Variants in LRRTM4 observed in about 807,000 individuals in gnomAD.
LRRTM4 encodes leucine-rich repeat transmembrane neuronal protein 4.
LRRTM4 carries 25 observed loss-of-function variants against 47.6 expected under a neutral mutation model. The observed-to-expected ratio is 0.53, with a 90% CI of 0.38 to 0.73. The LOEUF is 0.73. LRRTM4 is among the 30% of genes least tolerant of loss of function. The probability of loss-of-function intolerance (pLI) is 0.00; values close to 1 mark genes in which losing one functional copy is unlikely to be tolerated. For missense variants in LRRTM4, 638 were observed against 713.4 expected, an observed-to-expected ratio of 0.89 and a Z score of 1.20; for synonymous variants, 311 against 269.5, an observed-to-expected ratio of 1.15 and a Z score of -1.51.
At chr2:76,775,801 T>C (rs970575654) in intron 3 of LRRTM4, among the ~76,000 whole-genome samples, 9 of 152,146 alleles carry the variant, frequency 5.9e-5, no homozygotes, top group African/African-American at 2.2e-4. Flanking sequence ...TACATGTGCA[T>C]ATTGTGCAGG....
chr2:76,845,274 T>C (rs901430930), intron 3 of LRRTM4, among the ~76,000 whole-genome samples: 3 of 152,112 alleles, frequency 2.0e-5, no homozygotes, highest in African/African-American at 7.2e-5. Flanking sequence ...GAGGATCACT[T>C]GAGCCCAGGA....
At chr2:76,843,243 T>C (rs911966046) in intron 3 of LRRTM4, among the ~76,000 whole-genome samples, 9 of 152,128 alleles carry the variant, frequency 5.9e-5, no homozygotes, top group African/African-American at 2.2e-4. Flanking sequence ...GGTCAGAGTA[T>C]GGTTTGAAGT....
intron 3 of LRRTM4, among the ~76,000 whole-genome samples, chr2:77,444,390 G>A (rs1675964432): frequency 6.6e-6 from 1 of 152,012 alleles, no homozygotes; most frequent in Admixed American, 6.6e-5. Flanking sequence ...TCATTATAGT[G>A]ATATATTCCC....
At chr2:77,175,861 G>A (rs1473569481) in intron 3 of LRRTM4, among the ~76,000 whole-genome samples, 1 of 151,978 alleles carries the variant, frequency 6.6e-6, no homozygotes, top group East Asian at 1.9e-4. Flanking sequence ...GTTTTACCAT[G>A]TTGGCCAGGC....
chr2:76,792,888 T>A (rs1017453129), intron 3 of LRRTM4, among the ~76,000 whole-genome samples: 5 of 152,186 alleles, frequency 3.3e-5, no homozygotes, highest in African/African-American at 1.2e-4. Context: ...TAATGTCCAC[T>A]GTCCTGAAAA....
At chr2:76,837,703 T>C (rs1671555372) in intron 3 of LRRTM4, among the ~76,000 whole-genome samples, 1 of 152,198 alleles carries the variant, frequency 6.6e-6, no homozygotes, top group African/African-American at 2.4e-5. Context: ...CCAACAATGA[T>C]AGACTGGATT....
intron 3 of LRRTM4, among the ~76,000 whole-genome samples, chr2:77,362,845 G>A (rs1413243875): frequency 6.6e-6 from 1 of 152,078 alleles, no homozygotes; most frequent in Admixed American, 6.6e-5. Context: ...AGGATTGAGA[G>A]TACTGAAACA....
chr2:77,245,639 C>A (rs571109562), intron 3 of LRRTM4, among the ~76,000 whole-genome samples: 5 of 147,606 alleles, frequency 3.4e-5, no homozygotes, highest in African/African-American at 1.2e-4. Flanking sequence ...TTTTGTGATA[C>A]CTTCTAGTGT....
chr2:77,049,548 T>C (rs945976869), intron 3 of LRRTM4, among the ~76,000 whole-genome samples: 17 of 152,022 alleles, frequency 1.1e-4, no homozygotes, highest in African/African-American at 4.1e-4. Flanking sequence ...TGATTATTGA[T>C]ATTGAGTGTT....
intron 3 of LRRTM4, among the ~76,000 whole-genome samples, chr2:77,354,240 C>T (rs765245082): frequency 6.6e-6 from 1 of 152,042 alleles, no homozygotes; most frequent in Non-Finnish European, 1.5e-5. Flanking sequence ...TCCAAAGTTC[C>T]ACCTCCTACT....
At chr2:77,031,484 G>C (rs1678653914) in intron 3 of LRRTM4, among the ~76,000 whole-genome samples, 1 of 152,038 alleles carries the variant, frequency 6.6e-6, no homozygotes, top group African/African-American at 2.4e-5. Flanking sequence ...TTTCCACATG[G>C]CTAAAAATAC....
chr2:77,139,668 A>G (rs1391492770), intron 3 of LRRTM4, among the ~76,000 whole-genome samples: 2 of 152,148 alleles, frequency 1.3e-5, no homozygotes, highest in Non-Finnish European at 2.9e-5. Flanking sequence ...AAATTAGGAA[A>G]AGAGGAAGTC....
intron 2 of LRRTM4, 33 bp downstream of exon 2, chr2:77,521,635 T>C: frequency 1.2e-6 from 2 of 1,612,184 alleles, no homozygotes; most frequent in Non-Finnish European, 8.5e-7. Context: ...AGGATCAGCT[T>C]TGCTCAGAAG....
intron 3 of LRRTM4, among the ~76,000 whole-genome samples, chr2:77,464,114 G>A (rs2103977828): frequency 6.6e-6 from 1 of 152,122 alleles, no homozygotes; most frequent in South Asian, 2.1e-4. Flanking sequence ...TGATTTGGAA[G>A]GACAGACAAG....
intron 3 of LRRTM4, among the ~76,000 whole-genome samples, chr2:77,464,576 G>A (rs887533858): frequency 1.3e-5 from 2 of 151,292 alleles, no homozygotes; most frequent in African/African-American, 4.9e-5. Context: ...ATCTTAATTT[G>A]GGCTGTGCAC....
chr2:77,101,291 C>CAT (rs1190225386), intron 3 of LRRTM4, among the ~76,000 whole-genome samples: 1 of 152,034 alleles, frequency 6.6e-6, no homozygotes, highest in African/African-American at 2.4e-5. Context: ...GAAAGACATG[C>CAT]ATATATATCT....
chr2:77,070,006 C>T (rs188712868), intron 3 of LRRTM4, among the ~76,000 whole-genome samples: 2 of 152,096 alleles, frequency 1.3e-5, no homozygotes, highest in African/African-American at 2.4e-5. Flanking sequence ...TGAAAACAAG[C>T]CTTTTGAATT....
At chr2:76,779,343 C>G (rs1674215524) in intron 3 of LRRTM4, among the ~76,000 whole-genome samples, 4 of 150,726 alleles carry the variant, frequency 2.7e-5, no homozygotes, top group Admixed American at 2.7e-4. Context: ...ATTGATCTGT[C>G]TAATGTTGAC....
chr2:76,749,915 G>A (rs1056553600), intron 3 of LRRTM4, among the ~76,000 whole-genome samples: 5 of 152,216 alleles, frequency 3.3e-5, no homozygotes, highest in Admixed American at 6.5e-5. Context: ...CCATTGCCCT[G>A]TAAGGTTAGA....
Sources: allele counts gnomAD v4.1 joint callset (sites outside exome capture counted in the v4.1 genomes callset), GRCh38; gene constraint gnomAD v4.1.1; transcripts MANE v1.5; gene names NCBI Gene and HGNC (gene_info 2026-07-23, HGNC 2026-07-21).